The following FILIP1L variants were observed in gnomAD, a reference collection of about 807,000 sequenced individuals.
The protein encoded by FILIP1L is filamin A interacting protein 1 like.
Under a neutral mutation model 96.6 loss-of-function variants are expected in FILIP1L, and 55 were observed. The observed-to-expected ratio is 0.57, with a 90% CI of 0.46 to 0.71. The LOEUF (loss-of-function observed/expected upper bound fraction) is 0.71, where lower values mean the gene tolerates loss of function less well. Ranked by LOEUF, FILIP1L falls within the 30% of genes least tolerant of loss-of-function variation. FILIP1L has a pLI of 0.00. For synonymous variants in FILIP1L, 467 were observed against 473.9 expected, an observed-to-expected ratio of 0.99 and a Z score of 0.19; for missense variants, 1,304 against 1,321.2, an observed-to-expected ratio of 0.99 and a Z score of 0.20.
At chr3:100,078,876 G>A (rs2065891175) in intron 1 of FILIP1L, among the ~76,000 whole-genome samples, 1 of 152,088 alleles carries the variant, frequency 6.6e-6, no homozygotes, top group South Asian at 2.1e-4. Context: ...GAGCGACAGA[G>A]TGGGACTCCA....
intron 1 of FILIP1L, among the ~76,000 whole-genome samples, chr3:100,065,258 T>C (rs2065644164): frequency 6.6e-6 from 1 of 152,200 alleles, no homozygotes; most frequent in African/African-American, 2.4e-5. Context: ...TCCTATGTTT[T>C]AACGAGAATA....
chr3:100,103,060 G>T (rs1436360695), intron 1 of FILIP1L, among the ~76,000 whole-genome samples: 1 of 152,202 alleles, frequency 6.6e-6, no homozygotes, highest in Non-Finnish European at 1.5e-5. Flanking sequence ...TAAAAATGAA[G>T]CAGACCGACT....
intron 1 of FILIP1L, among the ~76,000 whole-genome samples, chr3:100,064,623 A>G (rs2065630968): frequency 6.6e-6 from 1 of 152,166 alleles, no homozygotes; most frequent in Admixed American, 6.5e-5. Context: ...AGGAAGGGAG[A>G]CTGGCAAAAG....
At chr3:99,832,157 A>T (rs1178778668) in intron 5 of FILIP1L, among the ~76,000 whole-genome samples, 1 of 151,804 alleles carries the variant, frequency 6.6e-6, no homozygotes, top group Non-Finnish European at 1.5e-5. Flanking sequence ...CATTTTCATT[A>T]CGTAGTTTTT....
intron 4 of FILIP1L, 58 bp from the exon 5 acceptor site, chr3:99,851,128 GTACT>G: frequency 2.3e-6 from 3 of 1,317,618 alleles, no homozygotes; most frequent in Non-Finnish European, 3.1e-6. Flanking sequence ...CTCATCGAAT[GTACT>G]TAAATATATA....
Position 99,850,704 on chromosome 3 carries a change from T to C in FILIP1L, c.972A>G (p.Gln324=), listed in dbSNP as rs761214824. The change falls in exon 5 of 6, where the codon CAA becomes CAG. Residue 324 remains glutamine (Q), a synonymous_variant. Transcript: ENST00000477258. ...GCCGGCTGAGTGCTGCCAGCTTTTGTTGAAGCTGGCGATTTTGACTGTCCT... is the reference window on the plus strand; with the variant it reads ...GCCGGCTGAGTGCTGCCAGCTTTTGCTGAAGCTGGCGATTTTGACTGTCCT... ...TNEDSQNRQL[Q]QKLAALSRQI... 3.1e-6 allele frequency: 5 copies of C among 1,614,082 alleles called. No homozygotes were observed. The highest frequency in any genetic ancestry group is 4.2e-6 in the Non-Finnish European group (5 of 1,180,040).
intron 1 of FILIP1L, among the ~76,000 whole-genome samples, chr3:100,026,924 A>G (rs1028897755): frequency 1.3e-5 from 2 of 151,868 alleles, no homozygotes; most frequent in Non-Finnish European, 1.5e-5. Context: ...CCAATAACCC[A>G]TAAGACTCTC....
In FILIP1L at chr3:99,830,504, A is replaced by C. The variant is rs1262797650; in HGVS notation, c.3483T>G (p.Asp1161Glu). Residue 1161 changes from aspartate (D) to glutamate (E), a missense_variant, in exon 6 of 6, where the codon GAT becomes GAG. By Grantham distance (45) the Asp-to-Glu change is conservative. Transcript: ENST00000477258. ...CACAGCCATTTTGGTAAATAGGCTT[A>C]TCCATAGGCACTGTGGGGGCTTTAG... is the stretch of plus-strand genomic sequence containing the variant. Reference protein sequence around the residue: ...ISTKAPTVPMDKPIYQNGCGK... With the variant: ...ISTKAPTVPMEKPIYQNGCGK... 3 of 456,694 alleles carry C rather than the reference A, an allele frequency of 6.6e-6. No individual in the cohort carries two copies. The highest frequency in any genetic ancestry group is 1.3e-5 in the Non-Finnish European group (3 of 226,966). The allele number at this position is 456,694 out of a possible 1,614,324, so 28.3% of individuals were successfully genotyped here.
intron 1 of FILIP1L, among the ~76,000 whole-genome samples, chr3:99,935,198 CA>C (rs1304205154): frequency 6.7e-6 from 1 of 150,326 alleles, no homozygotes; most frequent in African/African-American, 2.5e-5. Flanking sequence ...GTGCTTGGCC[CA>C]GGGGTGCATA....
intron 1 of FILIP1L, among the ~76,000 whole-genome samples, chr3:100,001,741 G>T (rs1320996648): frequency 6.6e-6 from 1 of 152,144 alleles, no homozygotes; most frequent in Non-Finnish European, 1.5e-5. Flanking sequence ...ATACCTGTAG[G>T]TTGGATCCTT....
At chr3:100,105,989 A>G (rs1199491773) in intron 1 of FILIP1L, among the ~76,000 whole-genome samples, 6 of 152,170 alleles carry the variant, frequency 3.9e-5, no homozygotes, top group Admixed American at 2.0e-4. Flanking sequence ...GATGGTGTGG[A>G]CAGAAAGTTG....
chr3:99,943,299 G>C (rs1276555041), intron 1 of FILIP1L, among the ~76,000 whole-genome samples: 2 of 152,162 alleles, frequency 1.3e-5, no homozygotes, highest in Non-Finnish European at 2.9e-5. Context: ...AAATGTGTCA[G>C]CCCTGACACT....
intron 1 of FILIP1L, among the ~76,000 whole-genome samples, chr3:100,044,564 G>C (rs964238455): frequency 2.0e-5 from 3 of 152,292 alleles, no homozygotes; most frequent in South Asian, 4.1e-4. Flanking sequence ...AGCTAGACTA[G>C]AGCCCAGTGA....
intron 1 of FILIP1L, among the ~76,000 whole-genome samples, chr3:100,091,058 G>T (rs1007087536): frequency 6.6e-6 from 1 of 152,098 alleles, no homozygotes; most frequent in African/African-American, 2.4e-5. Context: ...GGCCGAGGTG[G>T]GCGGATCACG....
intron 1 of FILIP1L, among the ~76,000 whole-genome samples, chr3:100,032,819 T>C (rs879860920): frequency 3.9e-5 from 6 of 152,182 alleles, no homozygotes; most frequent in African/African-American, 1.4e-4. Flanking sequence ...ATGACACTTA[T>C]GACAATGATA....
chr3:99,879,418 A>T (rs905003291), intron 4 of FILIP1L, among the ~76,000 whole-genome samples: 5 of 152,224 alleles, frequency 3.3e-5, no homozygotes, highest in Non-Finnish European at 5.9e-5. Flanking sequence ...CATAATTACA[A>T]CATCATCATT....
intron 4 of FILIP1L, among the ~76,000 whole-genome samples, chr3:99,879,201 C>T (rs1705638356): frequency 6.6e-6 from 1 of 152,152 alleles, no homozygotes; most frequent in South Asian, 2.1e-4. Context: ...AGAAATTTTT[C>T]TACCAAGTTC....
chr3:99,938,926 A>T (rs1707775257), intron 1 of FILIP1L, among the ~76,000 whole-genome samples: 1 of 152,226 alleles, frequency 6.6e-6, no homozygotes, highest in African/African-American at 2.4e-5. Flanking sequence ...TGGCTAAAAA[A>T]AGACAATTGA....
intron 1 of FILIP1L, among the ~76,000 whole-genome samples, chr3:100,021,388 A>G (rs1440605596): frequency 2.6e-5 from 4 of 152,112 alleles, no homozygotes; most frequent in Non-Finnish European, 5.9e-5. Flanking sequence ...CAGCATTTTT[A>G]TTTCAAGAAA....
Sources: allele counts gnomAD v4.1 joint callset (sites outside exome capture counted in the v4.1 genomes callset), GRCh38; gene constraint gnomAD v4.1.1; transcripts MANE v1.5; gene names NCBI Gene and HGNC (gene_info 2026-07-23, HGNC 2026-07-21).